Variants in RUBCN observed in about 807,000 individuals in gnomAD.
The protein encoded by RUBCN is run domain Beclin-1-interacting and cysteine-rich domain-containing protein.
In RUBCN, 74 loss-of-function variants were observed where a neutral mutation model predicts 113.2. The observed-to-expected ratio is 0.65, with a 90% CI of 0.54 to 0.79. RUBCN has a LOEUF of 0.79. RUBCN is among the 30% of genes least tolerant of loss of function. The pLI, the probability that RUBCN is intolerant of heterozygous loss-of-function variation, is 0.00. For synonymous variants in RUBCN, 480 were observed against 490.0 expected, an observed-to-expected ratio of 0.98 and a Z score of 0.27; for missense variants, 1,109 against 1,251.7, an observed-to-expected ratio of 0.89 and a Z score of 1.72.
chr3:197,675,324 G>A lies in RUBCN; in HGVS notation c.2740+98C>T. 1 of 1,500,422 alleles carries A rather than the reference G, an allele frequency of 6.7e-7. No homozygotes were observed. The highest frequency in any genetic ancestry group is 9.3e-7 in the Non-Finnish European group (1 of 1,078,812). The allele number at this position is 1,500,422 out of a possible 1,614,324, so 92.9% of individuals were successfully genotyped here. On this transcript the variant is annotated intron_variant, in intron 19 of 19. Coordinates refer to ENST00000296343, the MANE Select transcript of RUBCN (RefSeq NM_014687.4). This position sits in a 1 kb window ranked among gnomAD's most constrained non-coding sequence, Gnocchi z 4.4. Reference sequence around the variant, plus strand: ...GTCCCCTGGGGAGGCCCCGCGAGGTGCTGAGTGGCACCGAACTCTTGCTAA... The same window carrying A: ...GTCCCCTGGGGAGGCCCCGCGAGGTACTGAGTGGCACCGAACTCTTGCTAA...
chr3:197,686,254 T>C (rs1405586562), intron 11 of RUBCN, among the ~76,000 whole-genome samples: 1 of 152,208 alleles, frequency 6.6e-6, no homozygotes, highest in Non-Finnish European at 1.5e-5. Context: ...GAAACCTTTT[T>C]TTTTTCCTTT....
At chr3:197,676,554 C>G (rs937481774) in intron 18 of RUBCN, 45 of 1,134,186 alleles carry the variant, frequency 4.0e-5, no homozygotes, top group Admixed American at 1.6e-4. Context: ...CTCAGGTGAC[C>G]CGCCCACCTC....
Position 197,681,532 on chromosome 3 carries a change from G to A in RUBCN, c.2192-165C>T, listed in dbSNP as rs1721239871. ...TGCAGAAATCCACATAGTGGATCCT[G>A]GGGTGATAATGTCCTACCTTGGAGG... On this transcript the variant is annotated intron_variant, in intron 15 of 19. Coordinates refer to ENST00000296343, the MANE Select transcript of RUBCN (RefSeq NM_014687.4). The surrounding 1 kb of genome is among the most constrained non-coding windows in gnomAD (Gnocchi z 5.5). 1.3e-5 allele frequency among the ~76,000 whole-genome samples: 2 copies of A among 152,156 alleles called. No individual in the cohort carries two copies. The highest frequency in any genetic ancestry group is 2.9e-5 in the Non-Finnish European group (2 of 68,028).
chr3:197,680,526 TCTAA>T (rs200462615), intron 16 of RUBCN, among the ~76,000 whole-genome samples: 73 of 150,326 alleles, frequency 4.9e-4, no homozygotes, highest in African/African-American at 8.4e-4. Flanking sequence ...TGTCCTACGC[TCTAA>T]CTGACAACTG....
At position 197,670,878 on chromosome 3, in the gene RUBCN, T is replaced by G. The variant is rs566890109; in HGVS notation, c.*4140A>C. ...TGCTGGACAAACACAACAGGAGCAG[T>G]TGCAGACAAAGTAGCTGAGGGAGAA... On this transcript the variant is annotated 3_prime_UTR_variant, in exon 20 of 20. Transcript: ENST00000296343. 3.3e-5 allele frequency among the ~76,000 whole-genome samples: 5 copies of G among 152,224 alleles called. No homozygotes were observed. Among genetic ancestry groups the G allele is most frequent in the Non-Finnish European group, 7.3e-5 (5 of 68,030 alleles).
chr3:197,729,402 G>A (rs1026296156), intron 1 of RUBCN, among the ~76,000 whole-genome samples: 1 of 151,792 alleles, frequency 6.6e-6, no homozygotes, highest in African/African-American at 2.4e-5. Context: ...ACAGGCGCCC[G>A]CCACCACGCC....
intron 5 of RUBCN, 151 bp downstream of exon 5, chr3:197,703,397 C>CAAAAAAA (rs1165064210): frequency 4.6e-4 from 71 of 155,834 alleles, no homozygotes; most frequent in South Asian, 7.4e-4. Flanking sequence ...GACTCTGTCT[C>CAAAAAAA]AAAAAAAAAA....
At position 197,701,757 on chromosome 3, in the gene RUBCN, G is replaced by A; in HGVS notation, c.678C>T (p.Tyr226=). 1 of 1,614,122 alleles carries A rather than the reference G, an allele frequency of 6.2e-7. No homozygotes were observed. The highest frequency in any genetic ancestry group is 8.5e-7 in the Non-Finnish European group (1 of 1,179,968). Residue 226 remains tyrosine (Y), a synonymous_variant, in exon 6 of 20, where the codon TAC becomes TAT. Coordinates refer to ENST00000296343, the MANE Select transcript of RUBCN (RefSeq NM_014687.4). Reference sequence around the variant, plus strand: ...GGTGGAGGCTAGAGAAGGACCCAAAGTAGGAATGCTGAGCATAGCTGTTTG... The same window carrying A: ...GGTGGAGGCTAGAGAAGGACCCAAAATAGGAATGCTGAGCATAGCTGTTTG... ...TPPNSYAQHS[Y]FGSFSSLHQS...
exon 1 of RUBCN, chr3:197,749,333 C>A: frequency 8.7e-7 from 1 of 1,147,894 alleles, no homozygotes. Context: ...TTTGAGAGTG[C>A]CGATTGAGAG....
intron 2 of RUBCN, among the ~76,000 whole-genome samples, chr3:197,706,077 T>A (rs1724270889): frequency 6.6e-6 from 1 of 152,162 alleles, no homozygotes; most frequent in African/African-American, 2.4e-5. Context: ...TTCTAAAAAA[T>A]AATTCTTAAA....
rs1011763246 is a variant in RUBCN at position 197,704,037 on chromosome 3, G to A, written c.464-383C>T. ...ATTCTTACGGTTTGTGTGTGTGGCCGTAGGGGACGACCTTAACATAAAGCT... is the reference window on the plus strand; with the variant it reads ...ATTCTTACGGTTTGTGTGTGTGGCCATAGGGGACGACCTTAACATAAAGCT... On this transcript the variant is annotated intron_variant, in intron 4 of 19. Transcript: ENST00000296343. Among the ~76,000 whole-genome samples the A allele has an allele frequency of 2.0e-5, 3 of 152,302 alleles. 1 individual carries two copies. Among genetic ancestry groups the A allele is most frequent in the African/African-American group, 4.8e-5 (2 of 41,562 alleles).
chr3:197,742,790 C>G (rs886534272), intron 1 of RUBCN, among the ~76,000 whole-genome samples: 2 of 152,258 alleles, frequency 1.3e-5, no homozygotes, highest in African/African-American at 4.8e-5. Context: ...TCCTGGCTCC[C>G]TGAGCCTTCC....
intron 14 of RUBCN, among the ~76,000 whole-genome samples, 168 bp from the exon 15 acceptor site, chr3:197,682,067 A>G (rs904887157): frequency 2.0e-5 from 3 of 152,164 alleles, no homozygotes; most frequent in Admixed American, 6.5e-5. Flanking sequence ...AGCTAACTCC[A>G]TATAAGATTT....
chr3:197,677,681 C>G (rs1241280670), intron 16 of RUBCN, 140 bp from the exon 17 acceptor site: 1 of 714,778 alleles, frequency 1.4e-6, no homozygotes, highest in African/African-American at 1.8e-5. Context: ...TACGCTCTGA[C>G]AACTGGCTCC....
Position 197,701,724 on chromosome 3 carries a change from C to A in RUBCN, c.711G>T (p.Val237=). ...TCCCCATACCTGAGCCATTGTTGGG[C>A]ACGGATTGGTGGAGGCTAGAGAAGG... ...FGSFSSLHQS[V]PNNGSERRST... Residue 237 remains valine, a synonymous_variant, in exon 6 of 20, where the codon GTG becomes GTT. Coordinates refer to ENST00000296343, the MANE Select transcript of RUBCN (RefSeq NM_014687.4). 1 of 1,614,074 alleles carries A rather than the reference C, an allele frequency of 6.2e-7. No individual in the cohort carries two copies. The highest frequency in any genetic ancestry group is 8.5e-7 in the Non-Finnish European group (1 of 1,179,968).
intron 18 of RUBCN, 84 bp downstream of exon 18, chr3:197,676,801 A>C (rs1720483184): frequency 6.2e-7 from 1 of 1,606,916 alleles, no homozygotes; most frequent in East Asian, 2.2e-5. Context: ...CCTCAAGCTA[A>C]GTGGCAAGAA....
intron 2 of RUBCN, among the ~76,000 whole-genome samples, chr3:197,705,566 G>GA (rs1023962921): frequency 0.017 from 722 of 42,404 alleles, 4 homozygotes; most frequent in Non-Finnish European, 0.022. Flanking sequence ...CCCTAACTCA[G>GA]AAAAAAAAAA....
chr3:197,678,734 C>G (rs1300261367), intron 16 of RUBCN, among the ~76,000 whole-genome samples: 3 of 148,510 alleles, frequency 2.0e-5, no homozygotes, highest in Admixed American at 6.7e-5. Flanking sequence ...TCAGACTGTC[C>G]TACGCTCTAA....
Position 197,736,699 on chromosome 3 carries a change from T to C in RUBCN, c.21A>G (p.Gly7=). The change falls in exon 1 of 20, where the codon GGA becomes GGG. Residue 7 remains glycine, a synonymous_variant. Transcript: ENST00000296343. MRPEGA[G]MELGGGEERL... is the part of the protein sequence containing the mutation. ...GCTCCTCGCCGCCTCCGAGCTCCATTCCCGCGCCCTCCGGCCGCATCCGGG... is the reference window on the plus strand; with the variant it reads ...GCTCCTCGCCGCCTCCGAGCTCCATCCCCGCGCCCTCCGGCCGCATCCGGG... 6.5e-7 allele frequency: 1 copy of C among 1,531,168 alleles called. No individual in the cohort carries two copies. Among genetic ancestry groups the C allele is most frequent in the Non-Finnish European group, 8.7e-7 (1 of 1,145,642 alleles). 94.8% of individuals were successfully genotyped at this position (1,531,168 alleles called of 1,614,324 possible). A position where few individuals can be genotyped will look rare whatever the true frequency, so the allele number is the denominator to read the frequency against.
Sources: allele counts gnomAD v4.1 joint callset (sites outside exome capture counted in the v4.1 genomes callset), GRCh38; gene constraint gnomAD v4.1.1; non-coding constraint Gnocchi (gnomAD v3.1); transcripts MANE v1.5; gene names NCBI Gene and HGNC (gene_info 2026-07-23, HGNC 2026-07-21).